GRIK4: variants seen among roughly 807,000 people sequenced by gnomAD.
The protein encoded by GRIK4 is glutamate receptor ionotropic, kainate 4.
Under a neutral mutation model 104.9 loss-of-function variants are expected in GRIK4, and 40 were observed. That is an observed-to-expected ratio of 0.38 (90% CI 0.30 to 0.50). The LOEUF (loss-of-function observed/expected upper bound fraction) is 0.50, where lower values mean the gene tolerates loss of function less well. Ranked by LOEUF, GRIK4 falls within the 20% of genes least tolerant of loss-of-function variation. GRIK4 has a pLI of 0.93. For synonymous variants in GRIK4, 485 were observed against 524.9 expected (o/e 0.92, Z 1.04); for missense variants, 1,047 against 1,308.1 (o/e 0.80, Z 3.08).
chr11:120,965,034 G>C (rs1020497374), intron 18 of GRIK4, among the ~76,000 whole-genome samples: 2 of 152,206 alleles, frequency 1.3e-5, no homozygotes, highest in Non-Finnish European at 2.9e-5. Context: ...ACAGTTCATT[G>C]ATGAGTCAGG....
At chr11:120,919,077 T>C (rs1370429069) in intron 13 of GRIK4, among the ~76,000 whole-genome samples, 1 of 152,198 alleles carries the variant, frequency 6.6e-6, no homozygotes, top group Non-Finnish European at 1.5e-5. Context: ...CCCACGGTCA[T>C]TCTAACCACT....
At chr11:120,837,110 G>A (rs1244854893) in intron 8 of GRIK4, among the ~76,000 whole-genome samples, 2 of 152,168 alleles carry the variant, frequency 1.3e-5, no homozygotes, top group South Asian at 2.1e-4. Flanking sequence ...TGTGATGGAC[G>A]AGCCTCCTCA....
Position 120,940,114 on chromosome 11 carries a change from T to G in GRIK4, c.1477-233T>G, listed in dbSNP as rs554415610. Among the ~76,000 whole-genome samples the G allele has an allele frequency of 3.3e-5, 5 of 152,314 alleles. No individual in the cohort carries two copies. In the East Asian group the frequency reaches 9.6e-4, roughly 29 times the overall value. ...TGATACCCCCTGTTTTTAAAATTATTTATGTATTTAAAGGGATCTAACGAC... is the reference window on the plus strand; with the variant it reads ...TGATACCCCCTGTTTTTAAAATTATGTATGTATTTAAAGGGATCTAACGAC... On this transcript the variant is annotated intron_variant, in intron 13 of 20. Transcript: ENST00000527524. This position sits in a 1 kb window ranked among gnomAD's most constrained non-coding sequence, Gnocchi z 4.3.
chr11:120,982,282 C>A, intron 20 of GRIK4, 58 bp downstream of exon 20: 2 of 906,184 alleles, frequency 2.2e-6, no homozygotes, highest in South Asian at 1.3e-5. Context: ...AGTTCACAGG[C>A]TCATGCACAT....
chr11:120,808,778 C>T (rs1021403848), intron 4 of GRIK4, among the ~76,000 whole-genome samples: 1 of 152,154 alleles, frequency 6.6e-6, no homozygotes, highest in Non-Finnish European at 1.5e-5. Flanking sequence ...GTACTCTGTG[C>T]AGTATAAACA....
At chr11:120,730,464 C>T (rs1591841862) in intron 3 of GRIK4, among the ~76,000 whole-genome samples, 1 of 152,132 alleles carries the variant, frequency 6.6e-6, no homozygotes, top group Admixed American at 6.5e-5. Context: ...AATACAATGA[C>T]TTTTTGGTAC....
rs180724876 is a variant in GRIK4 at position 120,585,792 on chromosome 11, C to G, written c.-158-67893C>G. 2.8e-3 allele frequency among the ~76,000 whole-genome samples: 415 copies of G among 150,702 alleles called. 3 individuals carry two copies. Among genetic ancestry groups the G allele is most frequent in the Non-Finnish European group, 4.4e-3 (296 of 67,794 alleles). On this transcript the variant is annotated intron_variant, in intron 1 of 20. Coordinates refer to ENST00000527524, the MANE Select transcript of GRIK4 (RefSeq NM_014619.5). Reference sequence around the variant, plus strand: ...ATTTGTTGAAAAGTCTATCCTTCCTCTAGATACGTTTTTGAGATAAGGATT... The same window carrying G: ...ATTTGTTGAAAAGTCTATCCTTCCTGTAGATACGTTTTTGAGATAAGGATT...
At chr11:120,553,721 G>A (rs1840115365) in intron 1 of GRIK4, among the ~76,000 whole-genome samples, 1 of 152,334 alleles carries the variant, frequency 6.6e-6, no homozygotes, top group East Asian at 1.9e-4. Context: ...GAAGTTAAAA[G>A]GGGTTAGGGA....
At chr11:120,701,486 T>C (rs531108019) in intron 3 of GRIK4, among the ~76,000 whole-genome samples, 1 of 152,368 alleles carries the variant, frequency 6.6e-6, no homozygotes, top group South Asian at 2.1e-4. Flanking sequence ...TATGCCATTG[T>C]GTACACATAC....
chr11:120,861,893 C>A, intron 8 of GRIK4, 66 bp from the exon 9 acceptor site: 1 of 1,248,474 alleles, frequency 8.0e-7, no homozygotes, highest in Non-Finnish European at 1.2e-6. Context: ...TATGCTTTAC[C>A]AAAGTCCATC....
At chr11:120,530,088 G>A (rs1947907181) in intron 1 of GRIK4, among the ~76,000 whole-genome samples, 1 of 152,226 alleles carries the variant, frequency 6.6e-6, no homozygotes, top group Non-Finnish European at 1.5e-5. Context: ...ATGCCTGAGA[G>A]TCCCTGACCT....
chr11:120,868,533 G>T (rs372954924), intron 9 of GRIK4: 4 of 151,294 alleles, frequency 2.6e-5, no homozygotes, highest in Non-Finnish European at 4.4e-5. Context: ...GTGGAAATGG[G>T]GGGGGGGGCG....
At chr11:120,780,278 T>C (rs1952127214) in intron 3 of GRIK4, among the ~76,000 whole-genome samples, 1 of 152,248 alleles carries the variant, frequency 6.6e-6, no homozygotes, top group Non-Finnish European at 1.5e-5. Context: ...GAATTCTTTT[T>C]GTCTTGCAAA....
In GRIK4 at chr11:120,939,440, A is replaced by G. The variant is rs1356952270; in HGVS notation, c.1477-907A>G. Among the ~76,000 whole-genome samples, 1 of 152,230 alleles carries G rather than the reference A, an allele frequency of 6.6e-6. No individual in the cohort carries two copies. The highest frequency in any genetic ancestry group is 1.5e-5 in the Non-Finnish European group (1 of 68,038). ...TCTGAAGTTTCACCTGGACAGCGAC[A>G]TAAGTGGCCAGTGATCCAGGAGGCC... On this transcript the variant is annotated intron_variant, in intron 13 of 20. Coordinates refer to ENST00000527524, the MANE Select transcript of GRIK4 (RefSeq NM_014619.5). This position sits in a 1 kb window ranked among gnomAD's most constrained non-coding sequence, Gnocchi z 5.6.
chr11:120,586,870 G>A (rs1948672607), intron 1 of GRIK4, among the ~76,000 whole-genome samples: 3 of 152,162 alleles, frequency 2.0e-5, no homozygotes, highest in Admixed American at 2.0e-4. Context: ...CGCTGCCCCA[G>A]GCATAGTAGT....
chr11:120,841,041 A>G (rs1433808332), intron 8 of GRIK4, among the ~76,000 whole-genome samples: 8 of 152,208 alleles, frequency 5.3e-5, no homozygotes, highest in East Asian at 1.9e-4. Context: ...TTCTAGGTTC[A>G]TTCATGTTGT....
intron 3 of GRIK4, among the ~76,000 whole-genome samples, chr11:120,801,208 T>C (rs567391590): frequency 5.9e-5 from 9 of 152,300 alleles, no homozygotes; most frequent in African/African-American, 2.2e-4. Context: ...TATGTCTGGC[T>C]TTATTTTACT....
intron 1 of GRIK4, among the ~76,000 whole-genome samples, chr11:120,627,190 G>A (rs1949271412): frequency 6.6e-6 from 1 of 152,218 alleles, no homozygotes; most frequent in African/African-American, 2.4e-5. Flanking sequence ...TTTCATTAAT[G>A]TTGGTTGATG....
chr11:120,963,373 G>A (rs757208119), intron 18 of GRIK4, among the ~76,000 whole-genome samples: 1 of 152,194 alleles, frequency 6.6e-6, no homozygotes, highest in Non-Finnish European at 1.5e-5. Flanking sequence ...TTGGACTTTG[G>A]GCCTTCCCCT....
Sources: gnomAD v4.1 joint callset for allele counts (sites outside exome capture counted in the v4.1 genomes callset) on GRCh38, gnomAD v4.1.1 for gene constraint, Gnocchi (gnomAD v3.1) non-coding constraint, MANE v1.5 for transcripts, NCBI Gene and HGNC (gene_info 2026-07-23, HGNC 2026-07-21) for gene names.